The following TENT5D variants were observed in gnomAD, a reference collection of about 807,000 sequenced individuals.
The protein encoded by TENT5D is cancer/testis antigen 112.
For synonymous variants in TENT5D, 103 were observed against 100.6 expected (o/e 1.02, Z -0.15); for missense variants, 191 against 287.0 (o/e 0.67, Z 2.42).
chrX:80,394,372 T>C (rs982612603), intron 3 of TENT5D, among the ~76,000 whole-genome samples: 6 of 105,607 alleles, frequency 5.7e-5, no homozygotes, highest in Non-Finnish European at 1.2e-4. Context: ...TTTTGAGAAA[T>C]GTCTATTCAG....
At chrX:80,439,103 G>T (rs960913445) in intron 2 of TENT5D, among the ~76,000 whole-genome samples, 12 of 111,372 alleles carry the variant, frequency 1.1e-4, no homozygotes, top group African/African-American at 3.9e-4. Flanking sequence ...AGCCAAACAA[G>T]ATTTAAATAT....
At chrX:80,361,786 TA>T (rs1010976759) in intron 3 of TENT5D, among the ~76,000 whole-genome samples, 5 of 112,197 alleles carry the variant, frequency 4.5e-5, no homozygotes, top group African/African-American at 1.6e-4. Context: ...ACAGCATTGA[TA>T]AAATTTACTT....
At chrX:80,397,607 G>A (rs1198973551) in intron 3 of TENT5D, among the ~76,000 whole-genome samples, 2 of 111,413 alleles carry the variant, frequency 1.8e-5, no homozygotes, top group Non-Finnish European at 3.8e-5. Flanking sequence ...GTAGCAAGCC[G>A]AGATCACGCC....
intron 3 of TENT5D, among the ~76,000 whole-genome samples, chrX:80,363,947 T>C (rs1033330825): frequency 8.9e-5 from 10 of 112,576 alleles, no homozygotes; most frequent in Non-Finnish European, 1.9e-4. Flanking sequence ...TGTGCATGTG[T>C]GGTGAGAACA....
rs1930926936 is a variant in TENT5D, at chrX:80,383,718, T to TG, written c.-142+41156dup. On this transcript the variant is annotated intron_variant, in intron 3 of 4. Transcript: ENST00000538312. ...AAAAACACAAAAAATTAGCCGGGCA[T>TG]GGTGGTGGGCACCTGTAGTCCCAGC... Among the ~76,000 whole-genome samples the TG allele has an allele frequency of 4.5e-5, 5 of 111,093 alleles. No individual in the cohort carries two copies. The South Asian group carries it at 1.9e-3, about 43-fold the overall frequency.
chrX:80,415,302 T>G (rs974528084), intron 3 of TENT5D, among the ~76,000 whole-genome samples: 3 of 110,404 alleles, frequency 2.7e-5, no homozygotes, highest in African/African-American at 6.6e-5. Flanking sequence ...GTTTGTTTGT[T>G]TTGCCTGATT....
intron 1 of TENT5D, among the ~76,000 whole-genome samples, chrX:80,423,242 A>G (rs941974944): frequency 1.8e-5 from 2 of 112,299 alleles, no homozygotes; most frequent in Non-Finnish European, 3.8e-5. Context: ...AAGGGGAAGT[A>G]GTACTACTGT....
At chrX:80,410,253 T>C (rs1931620006) in intron 3 of TENT5D, among the ~76,000 whole-genome samples, 1 of 106,364 alleles carries the variant, frequency 9.4e-6, no homozygotes, top group Non-Finnish European at 1.9e-5. Flanking sequence ...GGGATCTAAT[T>C]AAACTAAAGA....
intron 1 of TENT5D, among the ~76,000 whole-genome samples, chrX:80,429,057 G>A (rs1239398800): frequency 9.0e-6 from 1 of 111,213 alleles, no homozygotes; most frequent in Admixed American, 9.6e-5. Flanking sequence ...GGCAGTCTGA[G>A]TTGATGGAGC....
intron 3 of TENT5D, among the ~76,000 whole-genome samples, chrX:80,358,418 A>T (rs1480218577): frequency 1.8e-5 from 2 of 112,189 alleles, no homozygotes; most frequent in Non-Finnish European, 3.8e-5. Flanking sequence ...ATGTAGAAAG[A>T]AGTTTTAAAA....
intron 3 of TENT5D, among the ~76,000 whole-genome samples, chrX:80,405,055 CAG>C (rs1931456740): frequency 9.0e-6 from 1 of 111,573 alleles, no homozygotes; most frequent in South Asian, 3.8e-4. Flanking sequence ...CCACAAGAAA[CAG>C]AACCCGAGGG....
chrX:80,414,942 C>G (rs1022464955), intron 3 of TENT5D, among the ~76,000 whole-genome samples: 2 of 111,302 alleles, frequency 1.8e-5, no homozygotes, highest in African/African-American at 6.5e-5. Context: ...AATGCTTTTC[C>G]TTTTTTGTAT....
At chrX:80,423,165 T>C (rs1249469343) in intron 1 of TENT5D, among the ~76,000 whole-genome samples, 2 of 112,197 alleles carry the variant, frequency 1.8e-5, no homozygotes, top group African/African-American at 3.2e-5. Flanking sequence ...ACTTGGTGAC[T>C]GTTGAATTCA....
At chrX:80,386,495 T>C (rs1342446687) in intron 3 of TENT5D, among the ~76,000 whole-genome samples, 1 of 110,955 alleles carries the variant, frequency 9.0e-6, no homozygotes, top group Non-Finnish European at 1.9e-5. Context: ...ACATGGCACA[T>C]GTATACATAT....
chrX:80,354,955 G>A (rs964234285), intron 3 of TENT5D, among the ~76,000 whole-genome samples: 6 of 111,624 alleles, frequency 5.4e-5, no homozygotes, highest in Non-Finnish European at 9.4e-5. Flanking sequence ...TTTTGTTCCC[G>A]GATGCTTTCA....
chrX:80,356,194 T>C (rs1930280477), intron 3 of TENT5D, among the ~76,000 whole-genome samples: 1 of 112,489 alleles, frequency 8.9e-6, no homozygotes, highest in Non-Finnish European at 1.9e-5. Flanking sequence ...GTAAGAAATT[T>C]GGAAAAGATA....
At chrX:80,371,084 A>G (rs928531419) in intron 3 of TENT5D, among the ~76,000 whole-genome samples, 5 of 112,213 alleles carry the variant, frequency 4.5e-5, no homozygotes, top group Non-Finnish European at 9.4e-5. Context: ...GAAGTGTATA[A>G]TGATTCCATT....
intron 3 of TENT5D, among the ~76,000 whole-genome samples, chrX:80,372,495 C>A (rs1930641103): frequency 9.0e-6 from 1 of 111,248 alleles, no homozygotes; most frequent in Non-Finnish European, 1.9e-5. Flanking sequence ...TATTGTATAT[C>A]TGTATTTGTG....
intron 3 of TENT5D, among the ~76,000 whole-genome samples, chrX:80,411,381 C>T (rs1474426966): frequency 3.6e-5 from 4 of 111,898 alleles, no homozygotes; most frequent in Non-Finnish European, 7.5e-5. Context: ...TGACACAAAT[C>T]ATTTACTACA....
Sources: allele counts gnomAD v4.1 joint callset (sites outside exome capture counted in the v4.1 genomes callset), GRCh38; gene constraint gnomAD v4.1.1; transcripts MANE v1.5; gene names NCBI Gene and HGNC (gene_info 2026-07-23, HGNC 2026-07-21).